GPC5: variants seen among roughly 807,000 people sequenced by gnomAD.
The protein encoded by GPC5 is glypican 5, also known as glypican-5.
GPC5 carries 47 observed loss-of-function variants against 53.9 expected under a neutral mutation model. That is an observed-to-expected ratio of 0.87 (90% CI 0.69 to 1.11). The LOEUF is 1.11. GPC5 is among the 50% of genes most tolerant of loss of function. GPC5 has a pLI of 0.00. For synonymous variants in GPC5, 286 were observed against 263.3 expected (o/e 1.09, Z -0.84); for missense variants, 748 against 713.1 (o/e 1.05, Z -0.56).
intron 7 of GPC5, among the ~76,000 whole-genome samples, chr13:92,146,260 T>C (rs982683018): frequency 6.6e-6 from 1 of 152,054 alleles, no homozygotes; most frequent in African/African-American, 2.4e-5. Flanking sequence ...GGTTTCTCCT[T>C]TTTTTCTTTC....
chr13:91,498,239 ATTTTT>A (rs60732957), intron 2 of GPC5, among the ~76,000 whole-genome samples: 35 of 110,254 alleles, frequency 3.2e-4, no homozygotes, highest in East Asian at 2.1e-3. Context: ...CTACCCAAAG[ATTTTT>A]TTTTTTTTTT....
At chr13:91,442,126 C>A (rs1880482667) in intron 1 of GPC5, among the ~76,000 whole-genome samples, 1 of 152,128 alleles carries the variant, frequency 6.6e-6, no homozygotes, top group Non-Finnish European at 1.5e-5. Context: ...GGAAGCCACA[C>A]AAATGTATGG....
intron 2 of GPC5, among the ~76,000 whole-genome samples, chr13:91,615,932 A>G (rs1407564632): frequency 6.6e-6 from 1 of 152,160 alleles, no homozygotes; most frequent in East Asian, 1.9e-4. Flanking sequence ...ATATTTTAAG[A>G]CAGAATGGCT....
At chr13:91,803,781 G>GACACAC (rs369314989) in intron 5 of GPC5, among the ~76,000 whole-genome samples, 16,343 of 147,480 alleles carry the variant, frequency 0.11, 1,044 homozygotes, top group African/African-American at 0.17. Flanking sequence ...CAGACAGACA[G>GACACAC]ACACACACAC....
intron 2 of GPC5, among the ~76,000 whole-genome samples, chr13:91,556,007 A>C (rs1302249033): frequency 6.6e-6 from 1 of 152,012 alleles, no homozygotes; most frequent in East Asian, 1.9e-4. Context: ...TCATTGGAAC[A>C]CCAAGGTGTA....
rs368838963 is a variant in GPC5, at chr13:92,713,876, C to T, written c.1562-152406C>T. 7.2e-5 allele frequency among the ~76,000 whole-genome samples: 11 copies of T among 152,222 alleles called. No homozygotes were observed. The East Asian group carries it at 9.6e-4, about 13-fold the overall frequency. On this transcript the variant is annotated intron_variant, in intron 7 of 7. Coordinates refer to ENST00000377067, the MANE Select transcript of GPC5 (RefSeq NM_004466.6). ...GTTGGGACTTACAAAATGTTACACC[C>T]GTTCTGGTAAGGAGTGTAGCAGTTT...
At chr13:92,457,465 G>A (rs1316290530) in intron 7 of GPC5, among the ~76,000 whole-genome samples, 1 of 151,910 alleles carries the variant, frequency 6.6e-6, no homozygotes. Flanking sequence ...ATTCCCATAT[G>A]TCCACTGAAG....
At chr13:91,891,597 G>T (rs1253137983) in intron 5 of GPC5, among the ~76,000 whole-genome samples, 1 of 152,038 alleles carries the variant, frequency 6.6e-6, no homozygotes, top group Non-Finnish European at 1.5e-5. Context: ...TTCCACCTTT[G>T]TTCATAAAAA....
chr13:92,267,247 C>CT (rs1049916410), intron 7 of GPC5, among the ~76,000 whole-genome samples: 72 of 151,924 alleles, frequency 4.7e-4, no homozygotes, highest in African/African-American at 1.6e-3. Flanking sequence ...CATAGCAAGG[C>CT]TTTTTTTGTT....
At position 92,129,656 on chromosome 13, in the gene GPC5, T is replaced by C. The variant is rs374757622; in HGVS notation, c.1402-15174T>C. Among the ~76,000 whole-genome samples, 334 of 152,288 alleles carry C rather than the reference T, an allele frequency of 2.2e-3. 16 individuals are homozygous for C. The South Asian group carries it at 0.061, about 28-fold the overall frequency. ...AAAGATTTAAATCTATAAAAAATCA[T>C]AGACATTCTAAAACAGAAATACAAT... On this transcript the variant is annotated intron_variant, in intron 6 of 7. Coordinates refer to ENST00000377067, the MANE Select transcript of GPC5 (RefSeq NM_004466.6).
chr13:92,797,891 G>A (rs1367441172), intron 7 of GPC5, among the ~76,000 whole-genome samples: 1 of 151,200 alleles, frequency 6.6e-6, no homozygotes, highest in Non-Finnish European at 1.5e-5. Flanking sequence ...AGATAGTAGA[G>A]ATAATAGATA....
chr13:92,354,158 G>A (rs2043503397), intron 7 of GPC5, among the ~76,000 whole-genome samples: 3 of 152,198 alleles, frequency 2.0e-5, no homozygotes, highest in Admixed American at 6.5e-5. Flanking sequence ...TATGTGCCCT[G>A]AACTTGTAGG....
At chr13:92,425,221 T>C (rs902584962) in intron 7 of GPC5, among the ~76,000 whole-genome samples, 3 of 152,088 alleles carry the variant, frequency 2.0e-5, no homozygotes, top group African/African-American at 7.2e-5. Context: ...AAGACATATT[T>C]TAAAATTTGT....
At chr13:92,357,469 A>G (rs4324015) in intron 7 of GPC5, among the ~76,000 whole-genome samples, 45,431 of 151,544 alleles carry the variant, frequency 0.3, 7,454 homozygotes, top group South Asian at 0.41. Flanking sequence ...AATGATCAGT[A>G]ATATTGAGCA....
chr13:92,400,955 A>C (rs1231632424), intron 7 of GPC5, among the ~76,000 whole-genome samples: 1 of 152,044 alleles, frequency 6.6e-6, no homozygotes, highest in Non-Finnish European at 1.5e-5. Flanking sequence ...ACAGGGACAA[A>C]TCCTAGGTAT....
chr13:92,425,977 G>A (rs144624436), intron 7 of GPC5, among the ~76,000 whole-genome samples: 24 of 152,038 alleles, frequency 1.6e-4, no homozygotes, highest in African/African-American at 5.3e-4. Flanking sequence ...TCTAACATTA[G>A]ATCAACATAC....
chr13:92,760,085 C>A (rs185740657), intron 7 of GPC5, among the ~76,000 whole-genome samples: 33 of 152,062 alleles, frequency 2.2e-4, no homozygotes, highest in Admixed American at 1.8e-3. Flanking sequence ...AATGGACAAT[C>A]TTTTTTATTG....
intron 7 of GPC5, among the ~76,000 whole-genome samples, chr13:92,450,225 C>A (rs1472047231): frequency 6.6e-6 from 1 of 152,094 alleles, no homozygotes; most frequent in Non-Finnish European, 1.5e-5. Flanking sequence ...ACACACAGAC[C>A]TGAAGTACAG....
chr13:92,092,623 T>G (rs1236880915), intron 6 of GPC5, among the ~76,000 whole-genome samples: 1 of 152,166 alleles, frequency 6.6e-6, no homozygotes, highest in Admixed American at 6.5e-5. Flanking sequence ...GAAACTTAAG[T>G]TTTTACACAT....
Sources: allele counts gnomAD v4.1 joint callset (sites outside exome capture counted in the v4.1 genomes callset), GRCh38; gene constraint gnomAD v4.1.1; transcripts MANE v1.5; gene names NCBI Gene and HGNC (gene_info 2026-07-23, HGNC 2026-07-21).